The following STPG2 variants were observed in gnomAD, a reference collection of about 807,000 sequenced individuals.
STPG2 encodes the protein sperm-tail PG-rich repeat-containing protein 2.
Under a neutral mutation model 54.2 loss-of-function variants are expected in STPG2, and 56 were observed. That is an observed-to-expected ratio of 1.03 (90% CI 0.83 to 1.29). The LOEUF (loss-of-function observed/expected upper bound fraction) is 1.29. Among genes scored for constraint, STPG2 ranks in the 50% most tolerant of loss-of-function variants. STPG2 has a pLI of 0.00. For synonymous variants in STPG2, 200 were observed against 181.8 expected (o/e 1.10, Z -0.81); for missense variants, 596 against 544.9 (o/e 1.09, Z -0.93).
At chr4:97,715,270 G>A (rs927417670) in intron 9 of STPG2, among the ~76,000 whole-genome samples, 2 of 152,014 alleles carry the variant, frequency 1.3e-5, no homozygotes, top group Non-Finnish European at 2.9e-5. Context: ...CTTCTTTTTA[G>A]ATACCAAAAT....
rs185146670 is a variant in STPG2 at position 97,612,051 on chromosome 4, C to T, written c.1321-52934G>A. ...ATAAGATTACAAATGTTTTAATCTG[C>T]TTAATATATCTGAAGGTCTTTAAAA... is the stretch of plus-strand genomic sequence containing the variant. On this transcript the variant is annotated intron_variant, in intron 10 of 10. Transcript: ENST00000295268. Among the ~76,000 whole-genome samples the T allele has an allele frequency of 4.1e-3, 626 of 151,510 alleles. 3 individuals carry two copies. Among genetic ancestry groups the T allele is most frequent in the South Asian group, 0.02 (98 of 4,804 alleles).
intron 8 of STPG2, among the ~76,000 whole-genome samples, chr4:97,874,514 T>C (rs1053499964): frequency 1.1e-4 from 16 of 151,784 alleles, no homozygotes; most frequent in African/African-American, 3.9e-4. Context: ...TTGTAATCCA[T>C]CCCACCTTCC....
At chr4:97,498,977 C>CCAGT (rs1169448126) in intron 4 of STPG2, among the ~76,000 whole-genome samples, 1 of 151,882 alleles carries the variant, frequency 6.6e-6, no homozygotes, top group Non-Finnish European at 1.5e-5. Context: ...TCTCAAGAAG[C>CCAGT]CAGTACTTAA....
chr4:97,781,205 G>A (rs946043806), intron 9 of STPG2, among the ~76,000 whole-genome samples: 3 of 152,058 alleles, frequency 2.0e-5, no homozygotes, highest in Non-Finnish European at 4.4e-5. Context: ...ATGAAGAAAA[G>A]AGAGAAGAAT....
intron 5 of STPG2, among the ~76,000 whole-genome samples, chr4:98,021,644 G>A (rs1372568249): frequency 6.6e-6 from 1 of 151,984 alleles, no homozygotes; most frequent in Non-Finnish European, 1.5e-5. Context: ...ATTATTGTGT[G>A]GGAGTCTAAG....
At chr4:97,859,091 C>G (rs1469407682) in intron 8 of STPG2, among the ~76,000 whole-genome samples, 1 of 152,130 alleles carries the variant, frequency 6.6e-6, no homozygotes, top group Non-Finnish European at 1.5e-5. Context: ...GCCATTCTTG[C>G]AGGAGTAAGG....
At chr4:97,606,947 G>A (rs1733610307) in intron 10 of STPG2, among the ~76,000 whole-genome samples, 1 of 151,914 alleles carries the variant, frequency 6.6e-6, no homozygotes, top group Non-Finnish European at 1.5e-5. Context: ...CAGATGTACT[G>A]ACATGGAACT....
At chr4:97,890,570 C>T (rs1018334879) in intron 8 of STPG2, among the ~76,000 whole-genome samples, 16 of 151,718 alleles carry the variant, frequency 1.1e-4, no homozygotes, top group South Asian at 1.0e-3. Context: ...AAGTTGGTGA[C>T]GGGGTACAAA....
At chr4:97,873,678 T>C (rs1229736252) in intron 8 of STPG2, among the ~76,000 whole-genome samples, 1 of 151,482 alleles carries the variant, frequency 6.6e-6, no homozygotes, top group Non-Finnish European at 1.5e-5. Context: ...GATCCTCATA[T>C]CCTTAGATCC....
chr4:97,715,300 T>C (rs1054126783), intron 9 of STPG2, among the ~76,000 whole-genome samples: 3 of 152,176 alleles, frequency 2.0e-5, no homozygotes, highest in Non-Finnish European at 2.9e-5. Flanking sequence ...TAATCACAGG[T>C]AATAAGGAAG....
At chr4:97,606,432 C>A (rs549145837) in intron 10 of STPG2, among the ~76,000 whole-genome samples, 2 of 151,290 alleles carry the variant, frequency 1.3e-5, no homozygotes, top group South Asian at 2.1e-4. Flanking sequence ...TGCATTGTAC[C>A]AAAAATACAG....
At chr4:97,968,297 T>C (rs1465582436) in intron 7 of STPG2, among the ~76,000 whole-genome samples, 1 of 152,212 alleles carries the variant, frequency 6.6e-6, no homozygotes, top group Non-Finnish European at 1.5e-5. Flanking sequence ...CAATAATTAA[T>C]GGCCTACCAA....
chr4:97,956,896 TG>T (rs1474216872), intron 7 of STPG2, among the ~76,000 whole-genome samples: 2 of 152,074 alleles, frequency 1.3e-5, no homozygotes, highest in Non-Finnish European at 2.9e-5. Flanking sequence ...ATCCCAACTC[TG>T]GTAATAAGAC....
intron 4 of STPG2, among the ~76,000 whole-genome samples, chr4:97,538,625 A>G (rs1158426689): frequency 6.6e-6 from 1 of 152,214 alleles, no homozygotes; most frequent in Non-Finnish European, 1.5e-5. Flanking sequence ...TCTACAGCAT[A>G]TTATCCAGGA....
At chr4:97,562,657 G>T (rs1732288864) in intron 10 of STPG2, among the ~76,000 whole-genome samples, 2 of 152,174 alleles carry the variant, frequency 1.3e-5, no homozygotes, top group African/African-American at 4.8e-5. Flanking sequence ...ATGAAGGGTT[G>T]TTGAATTTTG....
intron 3 of STPG2, among the ~76,000 whole-genome samples, chr4:98,123,485 T>G (rs1031770971): frequency 6.6e-6 from 1 of 152,214 alleles, no homozygotes; most frequent in Non-Finnish European, 1.5e-5. Context: ...AATTTCCATA[T>G]AGTCGTGTGG....
chr4:97,987,754 C>A (rs1734872103), intron 5 of STPG2, among the ~76,000 whole-genome samples: 1 of 151,994 alleles, frequency 6.6e-6, no homozygotes, highest in African/African-American at 2.4e-5. Context: ...CCTGTCATTT[C>A]TATCTTTATA....
chr4:97,961,488 C>T (rs1042831577), intron 7 of STPG2, among the ~76,000 whole-genome samples: 5 of 152,098 alleles, frequency 3.3e-5, no homozygotes, highest in East Asian at 1.9e-4. Context: ...CCAGAATCTA[C>T]AACAAACTCA....
At chr4:97,662,574 G>A (rs533243327) in intron 10 of STPG2, among the ~76,000 whole-genome samples, 129 of 152,194 alleles carry the variant, frequency 8.5e-4, no homozygotes, top group African/African-American at 2.9e-3. Flanking sequence ...TGTTCACTGC[G>A]ATGCTATTCA....
Sources: gnomAD v4.1 joint callset for allele counts (sites outside exome capture counted in the v4.1 genomes callset) on GRCh38, gnomAD v4.1.1 for gene constraint, MANE v1.5 for transcripts, NCBI Gene and HGNC (gene_info 2026-07-23, HGNC 2026-07-21) for gene names.